Variants in IQSEC3 observed in about 807,000 individuals in gnomAD.
IQSEC3 encodes the protein IQ motif and SEC7 domain-containing protein 3.
A neutral mutation model predicts 105.4 loss-of-function variants in IQSEC3; 50 were observed. The observed-to-expected ratio is 0.47, with a 90% confidence interval of 0.38 to 0.60. The LOEUF is 0.60. Among genes scored for constraint, IQSEC3 ranks in the 20% least tolerant of loss-of-function variants. The pLI is 0.00. For missense variants in IQSEC3, 1,415 were observed against 1,630.0 expected, an observed-to-expected ratio of 0.87 and a Z score of 2.27; for synonymous variants, 708 against 746.0, an observed-to-expected ratio of 0.95 and a Z score of 0.83.
intron 3 of IQSEC3, among the ~76,000 whole-genome samples, chr12:134,195 G>A (rs547491666): frequency 3.2e-4 from 48 of 152,346 alleles, no homozygotes; most frequent in East Asian, 1.4e-3. Flanking sequence ...TTAATTTGTC[G>A]AATACACACT....
At chr12:145,773 A>G (rs1257270155) in intron 5 of IQSEC3, among the ~76,000 whole-genome samples, 3 of 152,194 alleles carry the variant, frequency 2.0e-5, no homozygotes, top group Non-Finnish European at 4.4e-5. Context: ...GCTCTGCTCT[A>G]TTTCCTTTCT....
chr12:92,311 C>T (rs1864112527), intron 1 of IQSEC3, among the ~76,000 whole-genome samples: 1 of 152,198 alleles, frequency 6.6e-6, no homozygotes, highest in Admixed American at 6.5e-5. Flanking sequence ...GTTCCTTTTT[C>T]ATAGAGGTCC....
intron 5 of IQSEC3, chr12:148,607 A>G (rs1440204468): frequency 6.6e-6 from 1 of 152,236 alleles, no homozygotes; most frequent in East Asian, 1.9e-4. Context: ...TCTTAGCCGC[A>G]TCGCACTTTG....
At chr12:117,795 G>A (rs1467445952) in intron 2 of IQSEC3, among the ~76,000 whole-genome samples, 1 of 152,220 alleles carries the variant, frequency 6.6e-6, no homozygotes, top group East Asian at 1.9e-4. Flanking sequence ...AGCCAGCGAG[G>A]TCAGGGCAGC....
At chr12:145,391 G>A (rs1413796538) in intron 5 of IQSEC3, among the ~76,000 whole-genome samples, 5 of 152,146 alleles carry the variant, frequency 3.3e-5, no homozygotes, top group Admixed American at 6.5e-5. Flanking sequence ...CTCCTACCTC[G>A]GCCTCCTGAG....
In IQSEC3 at chr12:125,698, C is replaced by T. The variant is rs1865367490; in HGVS notation, c.689C>T (p.Ala230Val). Residue 230 changes from alanine (A) to valine (V), a missense_variant, in exon 3 of 14, where the codon GCA becomes GTA. By Grantham distance (64) the Ala-to-Val change is moderately conservative. This residue lies in a region of IQSEC3 where 720 missense variants were observed against 633.0 expected (regional missense o/e 1.14). Coordinates refer to ENST00000538872, the MANE Select transcript of IQSEC3 (RefSeq NM_001170738.2). ...TCCGTGGTGGCAGCGGCGGCGGTGG[C>T]AGCCGGCAGACCCAGTGCCCATGCC... is the stretch of plus-strand genomic sequence containing the variant. ...EDSVVAAAAV[A>V]AGRPSAHAPK... The T allele has an allele frequency of 2.0e-6, 3 of 1,532,912 alleles. No homozygotes were observed. Among genetic ancestry groups the T allele is most frequent in the Non-Finnish European group, 1.7e-6 (2 of 1,150,886 alleles). 95.0% of individuals were successfully genotyped at this position (1,532,912 alleles called of 1,614,324 possible). A position where few individuals can be genotyped will look rare whatever the true frequency, so the allele number is the denominator to read the frequency against.
chr12:147,384 G>C (rs782479177), intron 5 of IQSEC3, among the ~76,000 whole-genome samples: 6 of 152,196 alleles, frequency 3.9e-5, no homozygotes, highest in African/African-American at 1.4e-4. Context: ...CAGCGACTCC[G>C]GGAGGGACGT....
intron 5 of IQSEC3, among the ~76,000 whole-genome samples, chr12:156,321 C>T (rs1267407938): frequency 6.6e-6 from 1 of 152,222 alleles, no homozygotes; most frequent in African/African-American, 2.4e-5. Context: ...GTGGGCAAGC[C>T]AGAGTCACAC....
At position 141,145 on chromosome 12, in the gene IQSEC3, G is replaced by A; in HGVS notation, c.2013G>A (p.Gln671=). The A allele has an allele frequency of 6.9e-7, 1 of 1,451,424 alleles. No homozygotes were observed. Among genetic ancestry groups the A allele is most frequent in the Non-Finnish European group, 9.4e-7 (1 of 1,065,420 alleles). 89.9% of individuals were successfully genotyped at this position (1,451,424 alleles called of 1,614,324 possible). A position where few individuals can be genotyped will look rare whatever the true frequency, so the allele number is the denominator to read the frequency against. Residue 671 remains glutamine (Q), a synonymous_variant, in exon 5 of 14, where the codon CAG becomes CAA. Transcript: ENST00000538872. The stretch of plus-strand genomic sequence containing the variant: ...CCAGAAACCCCGACAAGGGCATCCA[G>A]TTCCTGATCTCACGCGGCTTCATCC... The part of the protein sequence containing the change: ...LFNINPDKGI[Q]FLISRGFIPD...
intron 2 of IQSEC3, among the ~76,000 whole-genome samples, chr12:105,966 C>G (rs1379014759): frequency 1.3e-5 from 2 of 152,158 alleles, no homozygotes; most frequent in Non-Finnish European, 2.9e-5. Flanking sequence ...TTAAGGCACG[C>G]AACTTTTTGT....
Position 138,933 on chromosome 12 carries a change from G to C in IQSEC3, c.1570G>C (p.Ala524Pro). Residue 524 changes from alanine (A) to proline (P), a missense_variant, in exon 4 of 14, where the codon GCG (alanine) becomes CCG (proline). Ala to Pro is a conservative substitution (Grantham distance 27). Coordinates refer to ENST00000538872, the MANE Select transcript of IQSEC3 (RefSeq NM_001170738.2). The surrounding 1 kb of genome is among the most constrained non-coding windows in gnomAD (Gnocchi z 7.1). Reference protein sequence around the residue: ...QTVQAPAEPAAGKAEQGETSG... With the variant: ...QTVQAPAEPAPGKAEQGETSG... ...GGTCCAGGCCCCCGCAGAGCCCGCG[G>C]CGGGCAAGGCCGAGCAGGGCGAGAC... 2 of 1,592,398 alleles carry C rather than the reference G, an allele frequency of 1.3e-6. No individual in the cohort carries two copies. The highest frequency in any genetic ancestry group is 1.7e-6 in the Non-Finnish European group (2 of 1,170,472).
chr12:73,690 A>G (rs1474595012), intron 1 of IQSEC3, among the ~76,000 whole-genome samples: 1 of 150,434 alleles, frequency 6.6e-6, no homozygotes, highest in Non-Finnish European at 1.5e-5. Context: ...AAGAAAAAGA[A>G]AAAGAAAAAG....
At chr12:153,639 T>C (rs1391239425) in intron 5 of IQSEC3, among the ~76,000 whole-genome samples, 1 of 152,098 alleles carries the variant, frequency 6.6e-6, no homozygotes, top group East Asian at 1.9e-4. Flanking sequence ...TGGTGGCAAA[T>C]GCAGTGAGGG....
At chr12:77,992 G>T (rs868953371) in intron 1 of IQSEC3, among the ~76,000 whole-genome samples, 4 of 151,768 alleles carry the variant, frequency 2.6e-5, no homozygotes, top group Middle Eastern at 3.2e-3. Flanking sequence ...TCGCGGGGGC[G>T]GCGGCGAGGA....
chr12:70,127 C>T (rs532438182), intron 1 of IQSEC3, among the ~76,000 whole-genome samples: 1 of 152,374 alleles, frequency 6.6e-6, no homozygotes, highest in South Asian at 2.1e-4. Flanking sequence ...GAACGCGACC[C>T]CACTGAGGTG....
chr12:126,526 A>C (rs1216860504), intron 3 of IQSEC3, among the ~76,000 whole-genome samples: 1 of 148,100 alleles, frequency 6.8e-6, no homozygotes. Context: ...GTCTTGGCAG[A>C]CAAGAGTCTT....
rs1291598336 is a variant in IQSEC3 at position 174,836 on chromosome 12, C to G, written c.3352C>G (p.Leu1118Val). Residue 1118 changes from leucine (L) to valine (V), a missense_variant, in exon 14 of 14, where the codon CTC becomes GTC. Leu to Val is a conservative substitution (Grantham distance 32). This residue lies in a region of IQSEC3 where 419 missense variants were observed against 436.2 expected (regional missense o/e 0.96). Transcript: ENST00000538872. ...ARMEPLLSQALSCYTSSSSDS... is the reference protein window; with the variant it reads ...ARMEPLLSQAVSCYTSSSSDS... Reference sequence around the variant, plus strand: ...CATGGAGCCCCTGCTGAGCCAGGCTCTCTCCTGCTACACCTCGTCGTCCTC... The same window carrying G: ...CATGGAGCCCCTGCTGAGCCAGGCTGTCTCCTGCTACACCTCGTCGTCCTC... 2 of 1,581,476 alleles carry G rather than the reference C, an allele frequency of 1.3e-6. No individual in the cohort carries two copies. Among genetic ancestry groups the G allele is most frequent in the Non-Finnish European group, 1.7e-6 (2 of 1,172,382 alleles).
chr12:112,739 A>G (rs1644545082), intron 2 of IQSEC3, among the ~76,000 whole-genome samples: 1 of 152,188 alleles, frequency 6.6e-6, no homozygotes, highest in South Asian at 2.1e-4. Context: ...GCTCATGGAG[A>G]GACCCAGGGC....
At chr12:168,843 A>G (rs1445949094) in intron 11 of IQSEC3, 170 bp from the exon 12 acceptor site, 1 of 632,768 alleles carries the variant, frequency 1.6e-6, no homozygotes, top group Non-Finnish European at 2.8e-6. Context: ...CCGAGGGGGT[A>G]TTTAACTTGC....
Sources: allele counts gnomAD v4.1 joint callset (sites outside exome capture counted in the v4.1 genomes callset), GRCh38; gene constraint gnomAD v4.1.1; regional missense constraint gnomAD v4.1.1; non-coding constraint Gnocchi (gnomAD v3.1); transcripts MANE v1.5; gene names NCBI Gene and HGNC (gene_info 2026-07-23, HGNC 2026-07-21).